Variants in ZNF106 observed in about 807,000 individuals in gnomAD.
ZNF106 encodes the protein zinc finger protein 106.
ZNF106 carries 67 observed loss-of-function variants against 195.1 expected under a neutral mutation model. The ratio of observed to expected loss-of-function variants is 0.34; its 90% CI spans 0.28 to 0.42. ZNF106 has a LOEUF of 0.42. Among genes scored for constraint, ZNF106 ranks in the 10% least tolerant of loss-of-function variants. The pLI is 1.00. For missense variants in ZNF106, 2,118 were observed against 2,304.5 expected, an observed-to-expected ratio of 0.92 and a Z score of 1.66; for synonymous variants, 784 against 818.6, an observed-to-expected ratio of 0.96 and a Z score of 0.72.
At chr15:42,465,179 G>A (rs1270439333) in intron 3 of ZNF106, among the ~76,000 whole-genome samples, 1 of 152,162 alleles carries the variant, frequency 6.6e-6, no homozygotes, top group Non-Finnish European at 1.5e-5. Flanking sequence ...CGGATTACAG[G>A]CATCAGCCAC....
chr15:42,465,124 C>T (rs1318058971), intron 3 of ZNF106, among the ~76,000 whole-genome samples: 1 of 152,224 alleles, frequency 6.6e-6, no homozygotes, highest in East Asian at 1.9e-4. Context: ...TGGTCTTGAA[C>T]TCCTGGGCTC....
In ZNF106 at chr15:42,466,980, A is replaced by C. The variant is rs144346998; in HGVS notation, c.55-866T>G. On this transcript the variant is annotated intron_variant, in intron 2 of 21. Coordinates refer to ENST00000564754, the MANE Select transcript of ZNF106 (RefSeq NM_001366845.3). ...AAACCCCGTCTCTACTAAAAATACA[A>C]AAATTAGCTGGGCGTGGCAGTGCGT... Among the ~76,000 whole-genome samples the C allele has an allele frequency of 8.6e-3, 1,305 of 152,228 alleles. 19 individuals carry two copies. The highest frequency in any genetic ancestry group is 0.03 in the African/African-American group (1,250 of 41,532).
intron 1 of ZNF106, among the ~76,000 whole-genome samples, chr15:42,490,013 T>C (rs1255781834): frequency 2.0e-5 from 3 of 152,004 alleles, no homozygotes; most frequent in Non-Finnish European, 4.4e-5. Context: ...CACTCCAGCC[T>C]GGGCGAAAGA....
chr15:42,476,594 C>T (rs2056789518), intron 1 of ZNF106, among the ~76,000 whole-genome samples: 1 of 152,190 alleles, frequency 6.6e-6, no homozygotes, highest in Non-Finnish European at 1.5e-5. Context: ...AGCCACCATG[C>T]CCAGCTTCAT....
At chr15:42,457,399 TAGG>T (rs1476784890) in intron 3 of ZNF106, 11 of 1,382,236 alleles carry the variant, frequency 8.0e-6, no homozygotes, top group Non-Finnish European at 1.0e-5. Flanking sequence ...AAATGTCGTT[TAGG>T]AGGAGAAATC....
intron 3 of ZNF106, among the ~76,000 whole-genome samples, chr15:42,465,003 C>A (rs1247648695): frequency 6.6e-6 from 1 of 152,170 alleles, no homozygotes; most frequent in Non-Finnish European, 1.5e-5. Context: ...CTACGTGGAA[C>A]TCTGAGTCAA....
chr15:42,465,941 C>T (rs1222857564), intron 3 of ZNF106, 112 bp downstream of exon 3: 1 of 836,518 alleles, frequency 1.2e-6, no homozygotes, highest in South Asian at 2.0e-5. Context: ...TTGTTCTACG[C>T]CATAAGACAA....
chr15:42,460,392 G>A (rs182327075), intron 3 of ZNF106, among the ~76,000 whole-genome samples: 88 of 152,186 alleles, frequency 5.8e-4, no homozygotes, highest in African/African-American at 2.0e-3. Flanking sequence ...ATCCATAATC[G>A]TAAACCCACA....
At position 42,415,453 on chromosome 15, in the gene ZNF106, A is replaced by T. The variant is rs1308634482; in HGVS notation, c.*1851T>A. On this transcript the variant is annotated 3_prime_UTR_variant, in exon 22 of 22. Coordinates refer to ENST00000564754, the MANE Select transcript of ZNF106 (RefSeq NM_001366845.3). Reference sequence around the variant, plus strand: ...ATTAATTCTTGACATTTTTTGGATCAAGTAAGAACCACTGGAGCCTTTCCT... The same window carrying T: ...ATTAATTCTTGACATTTTTTGGATCTAGTAAGAACCACTGGAGCCTTTCCT... 6 of 454,150 alleles carry T rather than the reference A, an allele frequency of 1.3e-5. No individual in the cohort carries two copies. Among genetic ancestry groups the T allele is most frequent in the Non-Finnish European group, 2.7e-5 (6 of 226,262 alleles). 28.1% of individuals were successfully genotyped at this position (454,150 alleles called of 1,614,324 possible).
chr15:42,425,030 A>G lies in ZNF106; in HGVS notation c.4999-5T>C, dbSNP rs909892446. ...GATCTCAAGTCGTTTGTTGTTCTGG[A>G]AAATAAGCCAAGATTACAGCTAAAA... On this transcript the variant is annotated splice_region_variant and splice_polypyrimidine_tract_variant and intron_variant, in intron 15 of 21. Coordinates refer to ENST00000564754, the MANE Select transcript of ZNF106 (RefSeq NM_001366845.3). 11 of 1,613,250 alleles carry G rather than the reference A, an allele frequency of 6.8e-6. No homozygotes were observed. In the African/African-American group the frequency reaches 1.2e-4, roughly 18 times the overall value.
At position 42,417,176 on chromosome 15, in the gene ZNF106, G is replaced by T; in HGVS notation, c.*128C>A. The T allele has an allele frequency of 1.1e-6, 1 of 900,446 alleles. No homozygotes were observed. The highest frequency in any genetic ancestry group is 2.4e-4 in the Middle Eastern group (1 of 4,238). 55.8% of individuals were successfully genotyped at this position (900,446 alleles called of 1,614,324 possible). A position where few individuals can be genotyped will look rare whatever the true frequency, so the allele number is the denominator to read the frequency against. ...TAGAGCTGCCCAGACTTATGCTAGG[G>T]GTATGCCTGGCTAGTAACCACTTTC... On this transcript the variant is annotated 3_prime_UTR_variant, in exon 22 of 22. Transcript: ENST00000564754.
At chr15:42,478,803 T>G (rs2056839915) in intron 1 of ZNF106, among the ~76,000 whole-genome samples, 1 of 151,956 alleles carries the variant, frequency 6.6e-6, no homozygotes, top group Non-Finnish European at 1.5e-5. Context: ...TGAGCCACCA[T>G]GCCCAGCCCA....
At chr15:42,452,255 G>A (rs1323983384) in intron 4 of ZNF106, among the ~76,000 whole-genome samples, 1 of 151,872 alleles carries the variant, frequency 6.6e-6, no homozygotes, top group African/African-American at 2.4e-5. Flanking sequence ...AGGTGTGGTG[G>A]CTCACATCTA....
chr15:42,444,890 T>G lies in ZNF106; in HGVS notation c.3297A>C (p.Gln1099His). Residue 1099 changes from glutamine to histidine, a missense_variant, in exon 8 of 22, where the codon CAA (glutamine) becomes CAC (histidine). Transcript: ENST00000564754. ...SLQCMDNNLL[Q>H]ARAALQTAYV... ...AAGCTGTCTGAAGGGCTGCACGGGC[T>G]TGCAGAAGATTGTTATCCATGCACT... 1 of 1,614,198 alleles carries G rather than the reference T, an allele frequency of 6.2e-7. No individual in the cohort carries two copies. Among genetic ancestry groups the G allele is most frequent in the Non-Finnish European group, 8.5e-7 (1 of 1,180,036 alleles).
At chr15:42,434,131 A>G (rs2055176850) in intron 14 of ZNF106, among the ~76,000 whole-genome samples, 1 of 152,070 alleles carries the variant, frequency 6.6e-6, no homozygotes, top group African/African-American at 2.4e-5. Flanking sequence ...ACAGACATGA[A>G]CCATAGTACC....
At chr15:42,463,107 A>G (rs1228236807) in intron 3 of ZNF106, among the ~76,000 whole-genome samples, 1 of 152,028 alleles carries the variant, frequency 6.6e-6, no homozygotes, top group Non-Finnish European at 1.5e-5. Flanking sequence ...CCAAACTTTT[A>G]AAAATGTTTT....
At chr15:42,441,821 C>A in intron 10 of ZNF106, 1 of 312,548 alleles carries the variant, frequency 3.2e-6, no homozygotes, top group Non-Finnish European at 5.8e-6. Context: ...TAAATGGAAC[C>A]TTGTGGGTGC....
chr15:42,472,705 A>T (rs569405795), intron 1 of ZNF106, among the ~76,000 whole-genome samples: 1 of 152,162 alleles, frequency 6.6e-6, no homozygotes, highest in Non-Finnish European at 1.5e-5. Flanking sequence ...TTAGAATAAG[A>T]TTCTTTTAAA....
chr15:42,483,116 A>C (rs1233713198), intron 1 of ZNF106, among the ~76,000 whole-genome samples: 3 of 152,222 alleles, frequency 2.0e-5, no homozygotes, highest in Non-Finnish European at 4.4e-5. Flanking sequence ...TGAAAATGGG[A>C]AATTACTCCA....
Sources: gnomAD v4.1 joint callset for allele counts (sites outside exome capture counted in the v4.1 genomes callset) on GRCh38, gnomAD v4.1.1 for gene constraint, MANE v1.5 for transcripts, NCBI Gene and HGNC (gene_info 2026-07-23, HGNC 2026-07-21) for gene names.